Variants in SBF2 observed in about 807,000 individuals in gnomAD.
The protein encoded by SBF2 is SET binding factor 2.
SBF2 carries 112 observed loss-of-function variants against 225.2 expected under a neutral mutation model. That is an observed-to-expected ratio of 0.50 (90% CI 0.43 to 0.58). The LOEUF (loss-of-function observed/expected upper bound fraction) is 0.58. Ranked by LOEUF, SBF2 falls within the 20% of genes least tolerant of loss-of-function variation. The pLI is 0.00. For missense variants in SBF2, 1,996 were observed against 2,206.2 expected, an observed-to-expected ratio of 0.90 and a Z score of 1.91; for synonymous variants, 763 against 773.3, an observed-to-expected ratio of 0.99 and a Z score of 0.22.
intron 2 of SBF2, among the ~76,000 whole-genome samples, chr11:10,186,122 T>C (rs1956926247): frequency 6.6e-6 from 1 of 152,192 alleles, no homozygotes; most frequent in Non-Finnish European, 1.5e-5. Context: ...GAAAAAGATA[T>C]TTATATTTAC....
intron 9 of SBF2, among the ~76,000 whole-genome samples, chr11:9,997,457 T>C (rs1039137516): frequency 2.0e-5 from 3 of 152,210 alleles, no homozygotes. Flanking sequence ...TACTTCTTCT[T>C]TGGTATTTCT....
At chr11:9,920,761 G>A (rs1863553640) in intron 16 of SBF2, among the ~76,000 whole-genome samples, 1 of 152,110 alleles carries the variant, frequency 6.6e-6, no homozygotes, top group Non-Finnish European at 1.5e-5. Context: ...TTGCAATGTG[G>A]ACACCATGCC....
chr11:9,835,430 G>A (rs927178431), intron 26 of SBF2, among the ~76,000 whole-genome samples: 1 of 151,786 alleles, frequency 6.6e-6, no homozygotes, highest in African/African-American at 2.4e-5. Context: ...ACCAGCCTGG[G>A]CAACATAGTG....
At chr11:9,789,397 C>G in intron 34 of SBF2, 55 bp from the exon 35 acceptor site, 2 of 1,300,090 alleles carry the variant, frequency 1.5e-6, no homozygotes, top group Admixed American at 3.4e-5. Flanking sequence ...ACCCCAAGCT[C>G]ACTGTCAGGC....
rs532910643 is a variant in SBF2, at chr11:9,872,115, T to C, written c.1930-13719A>G. Among the ~76,000 whole-genome samples, 216 of 152,318 alleles carry C rather than the reference T, an allele frequency of 1.4e-3. 1 individual carries two copies. The highest frequency in any genetic ancestry group is 4.9e-3 in the African/African-American group (204 of 41,562). ...CTGAATAAAGAAAGTGTGGTATATA[T>C]ACACCATGGAAACTATGCAGCCATG... On this transcript the variant is annotated intron_variant, in intron 17 of 39. Coordinates refer to ENST00000256190, the MANE Select transcript of SBF2 (RefSeq NM_030962.4).
intron 2 of SBF2, among the ~76,000 whole-genome samples, chr11:10,170,934 T>C (rs1956157638): frequency 6.6e-6 from 1 of 152,226 alleles, no homozygotes; most frequent in Non-Finnish European, 1.5e-5. Flanking sequence ...TTGATTTTTT[T>C]CAGATAGTTC....
chr11:10,168,256 A>G (rs1055959207), intron 2 of SBF2, among the ~76,000 whole-genome samples: 1 of 152,218 alleles, frequency 6.6e-6, no homozygotes, highest in African/African-American at 2.4e-5. Flanking sequence ...GATATCTGTT[A>G]AATGAATAGA....
At chr11:10,251,035 G>A (rs935095571) in intron 1 of SBF2, among the ~76,000 whole-genome samples, 2 of 152,168 alleles carry the variant, frequency 1.3e-5, no homozygotes, top group African/African-American at 4.8e-5. Flanking sequence ...ATGCCTCCAT[G>A]AACAATAGAA....
At chr11:10,171,442 T>A (rs984321849) in intron 2 of SBF2, among the ~76,000 whole-genome samples, 1 of 152,200 alleles carries the variant, frequency 6.6e-6, no homozygotes, top group African/African-American at 2.4e-5. Context: ...ATCACGTTGA[T>A]TGGTGTGTGT....
At chr11:9,841,261 T>G (rs1856117853) in intron 25 of SBF2, among the ~76,000 whole-genome samples, 1 of 152,228 alleles carries the variant, frequency 6.6e-6, no homozygotes, top group African/African-American at 2.4e-5. Context: ...GAACATTATA[T>G]AATTTGGTCT....
At chr11:9,941,721 T>A (rs995571289) in intron 16 of SBF2, among the ~76,000 whole-genome samples, 1 of 152,072 alleles carries the variant, frequency 6.6e-6, no homozygotes, top group African/African-American at 2.4e-5. Flanking sequence ...TGATTAAACT[T>A]TAAAAGAAAG....
chr11:10,063,458 C>T (rs926458659), intron 2 of SBF2, among the ~76,000 whole-genome samples: 4 of 151,124 alleles, frequency 2.6e-5, no homozygotes, highest in African/African-American at 9.7e-5. Context: ...CCTAGGTTCA[C>T]GCCATTCTCC....
At position 9,975,728 on chromosome 11, in the gene SBF2, C is replaced by T. The variant is rs145152818; in HGVS notation, c.1396-7183G>A. Among the ~76,000 whole-genome samples the T allele has an allele frequency of 1.5e-3, 234 of 152,254 alleles. 2 individuals are homozygous for T. Among genetic ancestry groups the T allele is most frequent in the African/African-American group, 5.1e-3 (212 of 41,542 alleles). On this transcript the variant is annotated intron_variant, in intron 13 of 39. Transcript: ENST00000256190. Reference sequence around the variant, plus strand: ...AGCCTATGCTTTGCGGGCAGGGCTTCATTTCATCATCATTATCTATATAAG... The same window carrying T: ...AGCCTATGCTTTGCGGGCAGGGCTTTATTTCATCATCATTATCTATATAAG...
chr11:9,941,733 C>T (rs1019197034), intron 16 of SBF2, among the ~76,000 whole-genome samples: 9 of 151,992 alleles, frequency 5.9e-5, no homozygotes, highest in African/African-American at 1.7e-4. Context: ...AAAAGAAAGG[C>T]ACTTACTGTC....
Position 10,095,508 on chromosome 11 carries a change from T to G in SBF2, c.142-52527A>C, listed in dbSNP as rs1221210680. Among the ~76,000 whole-genome samples the G allele has an allele frequency of 2.6e-5, 4 of 151,400 alleles. No individual in the cohort carries two copies. The Admixed American group carries it at 2.6e-4, about 10-fold the overall frequency. On this transcript the variant is annotated intron_variant, in intron 2 of 39. Coordinates refer to ENST00000256190, the MANE Select transcript of SBF2 (RefSeq NM_030962.4). ...AACTATGACAGTCTTATACATTTCT[T>G]CCCCAAATAAAAAGGAATATCACTG...
intron 2 of SBF2, among the ~76,000 whole-genome samples, chr11:10,114,320 T>C (rs1477636416): frequency 6.6e-6 from 1 of 152,238 alleles, no homozygotes; most frequent in African/African-American, 2.4e-5. Flanking sequence ...AGATCTCATG[T>C]TTTTCTTTAA....
At chr11:9,875,022 T>C (rs1235786638) in intron 17 of SBF2, among the ~76,000 whole-genome samples, 1 of 152,210 alleles carries the variant, frequency 6.6e-6, no homozygotes, top group Non-Finnish European at 1.5e-5. Context: ...AAAACAGCTC[T>C]TCAACTTATA....
chr11:10,277,095 T>C (rs913844434), intron 1 of SBF2, among the ~76,000 whole-genome samples: 5 of 128,944 alleles, frequency 3.9e-5, no homozygotes, highest in Non-Finnish European at 6.2e-5. Flanking sequence ...ATAGTGCCAC[T>C]GCACTCCTGC....
chr11:10,055,680 C>T (rs776756799), intron 2 of SBF2, among the ~76,000 whole-genome samples: 19 of 151,886 alleles, frequency 1.3e-4, no homozygotes, highest in Non-Finnish European at 8.8e-5. Context: ...GAATGGAAAA[C>T]CAAATACCAC....
Sources: gnomAD v4.1 joint callset for allele counts (sites outside exome capture counted in the v4.1 genomes callset) on GRCh38, gnomAD v4.1.1 for gene constraint, MANE v1.5 for transcripts, NCBI Gene and HGNC (gene_info 2026-07-23, HGNC 2026-07-21) for gene names.